SORCS2: variants seen among roughly 807,000 people sequenced by gnomAD.
The protein encoded by SORCS2 is VPS10 domain-containing receptor SorCS2.
In SORCS2, 100 loss-of-function variants were observed where a neutral mutation model predicts 141.6. That is an observed-to-expected ratio of 0.71 (90% CI 0.60 to 0.83). The LOEUF (loss-of-function observed/expected upper bound fraction) is 0.83. Among genes scored for constraint, SORCS2 ranks in the 40% least tolerant of loss-of-function variants. SORCS2 has a pLI of 0.00. For synonymous variants in SORCS2, 789 were observed against 676.9 expected, an observed-to-expected ratio of 1.17 and a Z score of -2.57; for missense variants, 1,646 against 1,560.2, an observed-to-expected ratio of 1.05 and a Z score of -0.93.
chr4:7,289,076 C>A lies in SORCS2; in HGVS notation c.480+95950C>A, dbSNP rs543767944. On this transcript the variant is annotated intron_variant, in intron 1 of 26. Coordinates refer to ENST00000507866, the MANE Select transcript of SORCS2 (RefSeq NM_020777.3). ...GGCTTGGCACTAGATTTTGGCAGAGCTAGCAATGGAAAACACCTGTTCAGT... is the reference window on the plus strand; with the variant it reads ...GGCTTGGCACTAGATTTTGGCAGAGATAGCAATGGAAAACACCTGTTCAGT... Among the ~76,000 whole-genome samples the A allele has an allele frequency of 2.0e-5, 3 of 152,278 alleles. No homozygotes were observed. The South Asian group carries it at 6.2e-4, about 32-fold the overall frequency.
At chr4:7,731,279 A>G (rs1013119469) in intron 23 of SORCS2, among the ~76,000 whole-genome samples, 3 of 152,248 alleles carry the variant, frequency 2.0e-5, no homozygotes, top group Admixed American at 2.0e-4. Flanking sequence ...AAGCTTGTGC[A>G]CTAAAAACCA....
intron 2 of SORCS2, among the ~76,000 whole-genome samples, chr4:7,519,819 G>A (rs1186353912): frequency 6.6e-6 from 1 of 152,132 alleles, no homozygotes; most frequent in Non-Finnish European, 1.5e-5. Flanking sequence ...GGGCGCACAT[G>A]GGGGCTTCTG....
At chr4:7,202,099 G>A (rs573348764) in intron 1 of SORCS2, among the ~76,000 whole-genome samples, 47 of 152,228 alleles carry the variant, frequency 3.1e-4, no homozygotes, top group Non-Finnish European at 5.9e-4. Context: ...CTCTCTCCCC[G>A]CTCCCAGCAG....
chr4:7,368,189 C>G (rs1447641796), intron 1 of SORCS2, among the ~76,000 whole-genome samples: 2 of 152,202 alleles, frequency 1.3e-5, no homozygotes, highest in African/African-American at 4.8e-5. Flanking sequence ...AGAGTGGACA[C>G]AGATGAAGGG....
intron 1 of SORCS2, among the ~76,000 whole-genome samples, chr4:7,341,253 C>G (rs1269350010): frequency 6.6e-6 from 1 of 152,236 alleles, no homozygotes; most frequent in Non-Finnish European, 1.5e-5. Flanking sequence ...TCACGCTGCT[C>G]TGTTCCAGCC....
chr4:7,517,142 A>AT (rs1423199630), intron 2 of SORCS2, among the ~76,000 whole-genome samples: 1 of 152,148 alleles, frequency 6.6e-6, no homozygotes, highest in Admixed American at 6.5e-5. Context: ...GAGTTTTCTG[A>AT]TCAGACACAC....
intron 1 of SORCS2, among the ~76,000 whole-genome samples, chr4:7,362,054 G>A (rs1017878573): frequency 6.6e-6 from 1 of 152,164 alleles, no homozygotes; most frequent in African/African-American, 2.4e-5. Context: ...AGGAAGCGTG[G>A]ATTTGTCCTT....
At chr4:7,288,563 G>A (rs1716385738) in intron 1 of SORCS2, among the ~76,000 whole-genome samples, 1 of 123,702 alleles carries the variant, frequency 8.1e-6, no homozygotes, top group Non-Finnish European at 1.7e-5. Flanking sequence ...GGGGCGGGGG[G>A]CGGGGGGAGA....
At chr4:7,368,629 C>T (rs977393591) in intron 1 of SORCS2, among the ~76,000 whole-genome samples, 1 of 152,206 alleles carries the variant, frequency 6.6e-6, no homozygotes. Flanking sequence ...ATGGAGGGGA[C>T]CACCTCCCTG....
chr4:7,367,342 G>A (rs538039770), intron 1 of SORCS2, among the ~76,000 whole-genome samples: 2 of 152,334 alleles, frequency 1.3e-5, no homozygotes, highest in Admixed American at 6.5e-5. Flanking sequence ...AGGCCATTTG[G>A]ACCCTCACAG....
chr4:7,361,766 G>GA (rs936065174), intron 1 of SORCS2, among the ~76,000 whole-genome samples: 192 of 145,908 alleles, frequency 1.3e-3, no homozygotes, highest in African/African-American at 1.5e-3. Context: ...CAGTGGCTAA[G>GA]AAAAAAAAAA....
intron 10 of SORCS2, among the ~76,000 whole-genome samples, chr4:7,685,371 C>T (rs1393167592): frequency 6.6e-6 from 1 of 152,160 alleles, no homozygotes. Context: ...GTACAACAGA[C>T]ATCAAATTAC....
At chr4:7,287,397 G>A (rs1315419786) in intron 1 of SORCS2, among the ~76,000 whole-genome samples, 1 of 152,230 alleles carries the variant, frequency 6.6e-6, no homozygotes, top group African/African-American at 2.4e-5. Context: ...TTCCAGAAAG[G>A]TTCGAGCCAG....
Position 7,193,632 on chromosome 4 carries a change from G to A in SORCS2, c.480+506G>A, listed in dbSNP as rs2108844227. Among the ~76,000 whole-genome samples, 1 of 152,298 alleles carries A rather than the reference G, an allele frequency of 6.6e-6. No homozygotes were observed. Among genetic ancestry groups the A allele is most frequent in the South Asian group, 2.1e-4 (1 of 4,826 alleles). ...CCGGTCAGCTCGAATCCTGTTCTGG[G>A]ACTCTGGGATTTCTGGGTTACCCCT... On this transcript the variant is annotated intron_variant, in intron 1 of 26. Transcript: ENST00000507866. The surrounding 1 kb of genome is among the most constrained non-coding windows in gnomAD (Gnocchi z 4.8).
At chr4:7,722,400 C>T (rs114588227) in intron 18 of SORCS2, among the ~76,000 whole-genome samples, 212 of 152,332 alleles carry the variant, frequency 1.4e-3, no homozygotes, top group Middle Eastern at 3.4e-3. Context: ...ATGGGGAGAA[C>T]GGAGCACCCT....
chr4:7,282,013 G>T (rs747103332), intron 1 of SORCS2, among the ~76,000 whole-genome samples: 2 of 152,164 alleles, frequency 1.3e-5, no homozygotes, highest in Non-Finnish European at 2.9e-5. Context: ...ACTCTGCCTC[G>T]TGGAGCTCCT....
At chr4:7,217,355 A>G (rs900567143) in intron 1 of SORCS2, among the ~76,000 whole-genome samples, 1 of 152,138 alleles carries the variant, frequency 6.6e-6, no homozygotes, top group African/African-American at 2.4e-5. Context: ...GAGTGGATGG[A>G]TGAGTGGACA....
intron 12 of SORCS2, among the ~76,000 whole-genome samples, chr4:7,697,722 C>T (rs1724802056): frequency 6.6e-6 from 1 of 151,248 alleles, no homozygotes; most frequent in South Asian, 2.1e-4. Flanking sequence ...ACTCCGGGTT[C>T]CTGGCAGGGG....
chr4:7,392,981 C>A (rs565241856), intron 1 of SORCS2, among the ~76,000 whole-genome samples: 4 of 152,126 alleles, frequency 2.6e-5, no homozygotes, highest in African/African-American at 9.6e-5. Context: ...ACCCAGCACC[C>A]TGGCTCCCTG....
Sources: gnomAD v4.1 joint callset for allele counts (sites outside exome capture counted in the v4.1 genomes callset) on GRCh38, gnomAD v4.1.1 for gene constraint, Gnocchi (gnomAD v3.1) non-coding constraint, MANE v1.5 for transcripts, NCBI Gene and HGNC (gene_info 2026-07-23, HGNC 2026-07-21) for gene names.